Variants in GABRA5 observed in about 807,000 individuals in gnomAD.
GABRA5 encodes gamma-aminobutyric acid receptor subunit alpha-5.
In GABRA5, 18 loss-of-function variants were observed where a neutral mutation model predicts 47.3. The observed-to-expected ratio is 0.38, with a 90% CI of 0.26 to 0.56. The LOEUF (loss-of-function observed/expected upper bound fraction) is 0.56. Ranked by LOEUF, GABRA5 falls within the 20% of genes least tolerant of loss-of-function variation. The pLI is 0.71. For missense variants in GABRA5, 365 were observed against 599.3 expected, an observed-to-expected ratio of 0.61 and a Z score of 4.08; for synonymous variants, 237 against 229.3, an observed-to-expected ratio of 1.03 and a Z score of -0.30.
At chr15:26,939,829 C>A in intron 8 of GABRA5, 96 bp from the exon 9 acceptor site, 1 of 1,255,226 alleles carries the variant, frequency 8.0e-7, no homozygotes, top group Non-Finnish European at 1.1e-6. Flanking sequence ...TTGTCCAAAC[C>A]GACAGGGGAG....
At chr15:26,943,152 G>C (rs1010530283) in intron 9 of GABRA5, 63 bp from the exon 10 acceptor site, 19 of 1,223,494 alleles carry the variant, frequency 1.6e-5, no homozygotes, top group Non-Finnish European at 2.2e-5. Context: ...TTGTACTGGG[G>C]TCCTGGGTGC....
In GABRA5 at chr15:26,869,288, A is replaced by G; in HGVS notation, c.40A>G (p.Asn14Asp). Residue 14 changes from asparagine to aspartate, a missense_variant, in exon 3 of 11, where the codon AAC becomes GAC. Asn to Asp is a conservative substitution (Grantham distance 23, BLOSUM62 1). This residue lies in a region of GABRA5 where 216 missense variants were observed against 335.3 expected (regional missense o/e 0.64). Transcript: ENST00000335625. ...GMFSGFIMIK[N>D]LLLFCISMNL... ...GTTCTCTGGTTTTATCATGATCAAA[A>G]ACCTCCTTCTCTTTTGTATTTCCAT... 1 of 1,609,736 alleles carries G rather than the reference A, an allele frequency of 6.2e-7. No homozygotes were observed.
intron 7 of GABRA5, among the ~76,000 whole-genome samples, chr15:26,915,226 G>A (rs1430715275): frequency 4.6e-5 from 7 of 152,088 alleles, no homozygotes; most frequent in African/African-American, 1.7e-4. Flanking sequence ...CTGGTCAAAG[G>A]TGACCAGTGC....
At chr15:26,889,922 CAT>C (rs1343157623) in intron 6 of GABRA5, among the ~76,000 whole-genome samples, 3 of 152,206 alleles carry the variant, frequency 2.0e-5, no homozygotes, top group Non-Finnish European at 4.4e-5. Context: ...TGTATGCACA[CAT>C]AGTCTCCTAT....
chr15:26,940,196 G>C (rs1246936574), intron 9 of GABRA5, 119 bp downstream of exon 9: 1 of 811,566 alleles, frequency 1.2e-6, no homozygotes, highest in Non-Finnish European at 1.9e-6. Flanking sequence ...GTGTGACCTG[G>C]AAAAGAAATT....
At chr15:26,887,200 G>A (rs1892900284) in intron 6 of GABRA5, among the ~76,000 whole-genome samples, 1 of 151,936 alleles carries the variant, frequency 6.6e-6, no homozygotes, top group Admixed American at 6.6e-5. Flanking sequence ...ACCAAACACT[G>A]GAATAAATAT....
Position 26,914,883 on chromosome 15 carries a change from G to A in GABRA5, c.578G>A (p.Ser193Asn). Residue 193 changes from serine (S) to asparagine (N), a missense_variant and splice_region_variant, in exon 7 of 11, where the codon AGC becomes AAC. Transcript: ENST00000335625. ...CACGCTTGCCCTCTGAAATTTGGCA[G>A]CTGTAAGTTATTTTCACAAGTAAGA... Reference protein sequence around the residue: ...DAHACPLKFGSYAYPNSEVVY... With the variant: ...DAHACPLKFGNYAYPNSEVVY... The A allele has an allele frequency of 1.2e-6, 2 of 1,613,398 alleles. No homozygotes were observed. The highest frequency in any genetic ancestry group is 1.7e-6 in the Non-Finnish European group (2 of 1,179,342).
intron 6 of GABRA5, among the ~76,000 whole-genome samples, chr15:26,911,371 G>GCACGCA (rs1555391744): frequency 8.5e-6 from 1 of 118,306 alleles, no homozygotes; most frequent in Non-Finnish European, 1.8e-5. Flanking sequence ...CTTGCTGCAT[G>GCACGCA]CACACACACA....
At chr15:26,939,301 C>T in intron 8 of GABRA5, 2 of 765,332 alleles carry the variant, frequency 2.6e-6, no homozygotes, top group Non-Finnish European at 2.4e-6. Flanking sequence ...GCCTCCCACA[C>T]AGCCAGGCAA....
rs1349898117 is a variant in GABRA5 at position 26,883,132 on chromosome 15, C to T, written c.209-34C>T. The T allele has an allele frequency of 3.2e-6, 5 of 1,580,876 alleles. No individual in the cohort carries two copies. The highest frequency in any genetic ancestry group is 1.3e-5 in the African/African-American group (1 of 74,242). On this transcript the variant is annotated intron_variant, in intron 4 of 10. Transcript: ENST00000335625. The surrounding 1 kb of genome is among the most constrained non-coding windows in gnomAD (Gnocchi z 4.8). The stretch of plus-strand genomic sequence containing the variant: ...AGTGTGCCAGACGCGCAGGGTGGGT[C>T]GGTGCAGCCCAGGGACCTGTGTCTG...
chr15:26,913,891 G>A lies in GABRA5; in HGVS notation c.498-912G>A, dbSNP rs142664587. On this transcript the variant is annotated intron_variant, in intron 6 of 10. Coordinates refer to ENST00000335625, the MANE Select transcript of GABRA5 (RefSeq NM_000810.4). ...GCAGCCAGGGCCAGGCAGCCTGGGTGATTGTTATTGTCATGGCTCCACCAC... is the reference window on the plus strand; with the variant it reads ...GCAGCCAGGGCCAGGCAGCCTGGGTAATTGTTATTGTCATGGCTCCACCAC... Among the ~76,000 whole-genome samples, 753 of 152,260 alleles carry A rather than the reference G, an allele frequency of 4.9e-3. 6 individuals are homozygous for A. The highest frequency in any genetic ancestry group is 7.9e-3 in the Non-Finnish European group (535 of 68,024).
chr15:26,875,879 T>G (rs1399573571), intron 3 of GABRA5, among the ~76,000 whole-genome samples: 1 of 152,072 alleles, frequency 6.6e-6, no homozygotes, highest in Non-Finnish European at 1.5e-5. Flanking sequence ...ATGATGTGAC[T>G]TAAACGTTGA....
chr15:26,867,011 G>C (rs1196621376), upstream of GABRA5: 2 of 152,260 alleles, frequency 1.3e-5, no homozygotes, highest in African/African-American at 2.4e-5. The surrounding 1 kb of genome is among the most constrained non-coding windows in gnomAD (Gnocchi z 5.9). Flanking sequence ...CGCCCAGCTC[G>C]GCCAAGGGCG....
rs1382459100 is a variant in GABRA5 at position 26,943,360 on chromosome 15, C to T, written c.1023C>T (p.Val341=). 1.3e-6 allele frequency: 2 copies of T among 1,599,868 alleles called. No homozygotes were observed. Among genetic ancestry groups the T allele is most frequent in the Non-Finnish European group, 1.7e-6 (2 of 1,173,232 alleles). The change falls in exon 10 of 11, where the codon GTC becomes GTT. Residue 341 remains valine (V), a synonymous_variant. Transcript: ENST00000335625. ...CGGCGCTGATAGAGTTTGCCACGGT[C>T]AATTACTTTACCAAGAGAGGCTGGG... ...VFSALIEFAT[V]NYFTKRGWAW...
chr15:26,878,009 C>T (rs1403051179), intron 3 of GABRA5, among the ~76,000 whole-genome samples: 1 of 152,184 alleles, frequency 6.6e-6, no homozygotes, highest in African/African-American at 2.4e-5. Flanking sequence ...GGGCTGTACT[C>T]AGTGCAGTTG....
chr15:26,948,516 G>T lies in GABRA5; in HGVS notation c.*283G>T. ...TCATACGTTGATAGTTTACAAACAA[G>T]ATACGTATATTTTTAACTGCTTCAA... On this transcript the variant is annotated 3_prime_UTR_variant, in exon 11 of 11. Coordinates refer to ENST00000335625, the MANE Select transcript of GABRA5 (RefSeq NM_000810.4). The T allele has an allele frequency of 2.8e-6, 1 of 357,128 alleles. No homozygotes were observed. Among genetic ancestry groups the T allele is most frequent in the Non-Finnish European group, 5.1e-6 (1 of 197,396 alleles). The allele number at this position is 357,128 out of a possible 1,614,324, so 22.1% of individuals were successfully genotyped here. A position where few individuals can be genotyped will look rare whatever the true frequency, so the allele number is the denominator to read the frequency against.
At chr15:26,911,371 GCACACACACACA>G (rs111798012) in intron 6 of GABRA5, among the ~76,000 whole-genome samples, 1 of 118,306 alleles carries the variant, frequency 8.5e-6, no homozygotes, top group African/African-American at 3.3e-5. Context: ...CTTGCTGCAT[GCACACACACACA>G]CACACACACA....
chr15:26,932,765 G>A (rs1036248987), intron 7 of GABRA5, among the ~76,000 whole-genome samples: 69 of 152,132 alleles, frequency 4.5e-4, no homozygotes, highest in African/African-American at 1.4e-3. Context: ...CATATATACC[G>A]TGGAATACTG....
At chr15:26,946,402 G>C (rs537381826) in intron 10 of GABRA5, among the ~76,000 whole-genome samples, 1 of 148,984 alleles carries the variant, frequency 6.7e-6, no homozygotes, top group South Asian at 2.1e-4. Flanking sequence ...CTCTCTATCT[G>C]TCCATCAATA....
Sources: allele counts gnomAD v4.1 joint callset (sites outside exome capture counted in the v4.1 genomes callset), GRCh38; gene constraint gnomAD v4.1.1; regional missense constraint gnomAD v4.1.1; non-coding constraint Gnocchi (gnomAD v3.1); transcripts MANE v1.5; gene names NCBI Gene and HGNC (gene_info 2026-07-23, HGNC 2026-07-21).